The following ZNF629 variants were observed in gnomAD, a reference collection of about 807,000 sequenced individuals.
ZNF629 encodes the protein DNA-binding protein.
ZNF629 carries 9 observed loss-of-function variants against 59.7 expected under a neutral mutation model. The ratio of observed to expected loss-of-function variants is 0.15; its 90% CI spans 0.09 to 0.26. The LOEUF is 0.26. Ranked by LOEUF, ZNF629 falls within the 10% of genes least tolerant of loss-of-function variation. The pLI is 1.00. For synonymous variants in ZNF629, 509 were observed against 498.9 expected (o/e 1.02, Z -0.27); for missense variants, 853 against 1,165.4 (o/e 0.73, Z 3.90).
At position 30,786,960 on chromosome 16, in the gene ZNF629, A is replaced by G. The variant is rs1461872833; in HGVS notation, c.-34+68T>C. ...TCCCGGCCCCCGCCTCCCGGGCCCC[A>G]TTGTTCCCCGGCGGCCGTCCCGGGC... On this transcript the variant is annotated intron_variant, in intron 1 of 2. Coordinates refer to ENST00000262525, the MANE Select transcript of ZNF629 (RefSeq NM_001080417.3). This position sits in a 1 kb window ranked among gnomAD's most constrained non-coding sequence, Gnocchi z 4.8. 1.3e-5 allele frequency: 2 copies of G among 150,400 alleles called. No individual in the cohort carries two copies. The highest frequency in any genetic ancestry group is 3.0e-5 in the Non-Finnish European group (2 of 67,428). 9.3% of individuals were successfully genotyped at this position (150,400 alleles called of 1,614,324 possible).
Position 30,783,038 on chromosome 16 carries a change from G to A in ZNF629, c.1290C>T (p.Tyr430=), listed in dbSNP as rs2054298383. The A allele has an allele frequency of 1.2e-6, 2 of 1,614,160 alleles. No individual in the cohort carries two copies. The highest frequency in any genetic ancestry group is 1.7e-6 in the Non-Finnish European group (2 of 1,180,004). Residue 430 remains tyrosine (Y), a synonymous_variant, in exon 3 of 3, where the codon TAC becomes TAT. Transcript: ENST00000262525. ...AGCTCTTGCCGCAGTCGGCGCAGAT[G>A]TAGGGCCGCTCGCCGCGGTGGATGC... is the stretch of plus-strand genomic sequence containing the variant. The part of the protein sequence containing the change: ...HQRIHRGERP[Y]ICADCGKSFI...
rs1397416959 is a variant in ZNF629, at chr16:30,784,422, C to T, written c.61G>A (p.Asp21Asn). 1 of 1,567,850 alleles carries T rather than the reference C, an allele frequency of 6.4e-7. No homozygotes were observed. Among genetic ancestry groups the T allele is most frequent in the East Asian group, 2.4e-5 (1 of 42,414 alleles). The change falls in exon 2 of 3, where the codon GAT (aspartate) becomes AAT (asparagine). Residue 21 changes from aspartate (D) to asparagine (N), a missense_variant. Around this residue, in one of 3 missense-constraint regions of ZNF629, gnomAD observed 232 missense variants for 193.4 expected, o/e 1.20. Transcript: ENST00000262525. ...TTGTGCCCCTCACCTCTGTGAGCAT[C>T]GTTGGGGCTCTGTTCCGGACCCTGC... ...DLQGPEQSPN[D>N]AHRGAESENE...
rs757263461 is a variant in ZNF629, at chr16:30,783,731, C to T, written c.597G>A (p.Thr199=). 5.6e-6 allele frequency: 9 copies of T among 1,613,314 alleles called. No homozygotes were observed. The highest frequency in any genetic ancestry group is 4.0e-5 in the African/African-American group (3 of 74,792). The change falls in exon 3 of 3, where the codon ACG becomes ACA. Residue 199 remains threonine, a synonymous_variant. Coordinates refer to ENST00000262525, the MANE Select transcript of ZNF629 (RefSeq NM_001080417.3). The part of the protein sequence containing the change: ...QSSHLVQHQR[T]HTGEKPYKCP... ...ACTTGTAGGGCTTCTCGCCGGTGTG[C>T]GTGCGCTGGTGCTGCACCAGGTGCG... is the stretch of plus-strand genomic sequence containing the variant.
At position 30,782,540 on chromosome 16, in the gene ZNF629, G is replaced by A. The variant is rs1264875443; in HGVS notation, c.1788C>T (p.Pro596=). The A allele has an allele frequency of 6.4e-7, 1 of 1,560,798 alleles. No homozygotes were observed. The highest frequency in any genetic ancestry group is 8.7e-7 in the Non-Finnish European group (1 of 1,151,714). Residue 596 remains proline, a synonymous_variant, in exon 3 of 3, where the codon CCC becomes CCT. Transcript: ENST00000262525. ...QHQRIHIGEN[P]YKNADGLIAH... ...CGATGAGGCCGTCTGCATTTTTGTA[G>A]GGGTTTTCTCCGATGTGGATCCTCT...
chr16:30,783,681 C>T lies in ZNF629; in HGVS notation c.647G>A (p.Ser216Asn). The T allele has an allele frequency of 2.5e-6, 4 of 1,612,646 alleles. No individual in the cohort carries two copies. Among genetic ancestry groups the T allele is most frequent in the Non-Finnish European group, 3.4e-6 (4 of 1,179,492 alleles). Residue 216 changes from serine (S) to asparagine (N), a missense_variant, in exon 3 of 3, where the codon AGC becomes AAC. Transcript: ENST00000262525. ...YKCPDCGKCF[S>N]WSSNLVQHQR... ...GTGCTGCACCAGGTTGGAGCTCCAG[C>T]TGAAGCACTTGCCGCAGTCGGGGCA...
Position 30,786,840 on chromosome 16 carries a change from C to A in ZNF629, c.-34+188G>T, listed in dbSNP as rs2054337897. 6.6e-6 allele frequency among the ~76,000 whole-genome samples: 1 copy of A among 151,902 alleles called. No homozygotes were observed. The highest frequency in any genetic ancestry group is 2.1e-4 in the South Asian group (1 of 4,828). On this transcript the variant is annotated intron_variant, in intron 1 of 2. Coordinates refer to ENST00000262525, the MANE Select transcript of ZNF629 (RefSeq NM_001080417.3). This position sits in a 1 kb window ranked among gnomAD's most constrained non-coding sequence, Gnocchi z 4.8. ...CAGGCTCCCCTCCCCCGCCACCGAC[C>A]CCCGCGCTTCCCAGAATCCTCGGCC...
chr16:30,783,412 G>A lies in ZNF629; in HGVS notation c.916C>T (p.Leu306Phe). ...CCCGCGTGGATCTTCTGGTGCTTGA[G>A]GAGGTTGTGGTTCTGGCCGAAGCGC... ...GKRFGQNHNL[L>F]KHQKIHAGEK... The change falls in exon 3 of 3, where the codon CTC becomes TTC. Residue 306 changes from leucine (L) to phenylalanine (F), a missense_variant. Around this residue, in one of 3 missense-constraint regions of ZNF629, gnomAD observed 201 missense variants for 536.5 expected, o/e 0.37. Coordinates refer to ENST00000262525, the MANE Select transcript of ZNF629 (RefSeq NM_001080417.3). 3 of 1,611,920 alleles carry A rather than the reference G, an allele frequency of 1.9e-6. No individual in the cohort carries two copies. Among genetic ancestry groups the A allele is most frequent in the Non-Finnish European group, 2.5e-6 (3 of 1,179,400 alleles).
intron 2 of ZNF629, 58 bp from the exon 3 acceptor site, chr16:30,784,312 C>A: frequency 6.4e-7 from 1 of 1,554,838 alleles, no homozygotes; most frequent in Non-Finnish European, 8.7e-7. Flanking sequence ...GGGGTTTGGT[C>A]TCTCTTCCCT....
rs1266997274 is a variant in ZNF629, at chr16:30,782,367, C to T, written c.1961G>A (p.Arg654Gln). Reference protein sequence around the residue: ...PEGQEGFSQRRGLLSSKTYIC... With the variant: ...PEGQEGFSQRQGLLSSKTYIC... ...GTAGGTCTTGGAGGACAGCAGCCCCCGCCTCTGGCTGAAGCCCTCCTGACC... is the reference window on the plus strand; with the variant it reads ...GTAGGTCTTGGAGGACAGCAGCCCCTGCCTCTGGCTGAAGCCCTCCTGACC... Residue 654 changes from arginine to glutamine, a missense_variant, in exon 3 of 3, where the codon CGG (arginine) becomes CAG (glutamine). Physicochemically the swap from Arg to Gln is conservative, Grantham distance 43. Transcript: ENST00000262525. 3 of 1,582,386 alleles carry T rather than the reference C, an allele frequency of 1.9e-6. No homozygotes were observed. The highest frequency in any genetic ancestry group is 4.7e-5 in the East Asian group (2 of 43,006).
chr16:30,782,636 C>G lies in ZNF629; in HGVS notation c.1692G>C (p.Pro564=), dbSNP rs763344745. 7 of 1,573,594 alleles carry G rather than the reference C, an allele frequency of 4.4e-6. No individual in the cohort carries two copies. The highest frequency in any genetic ancestry group is 1.9e-5 in the Admixed American group (1 of 52,844). Residue 564 remains proline, a synonymous_variant, in exon 3 of 3, where the codon CCG becomes CCC. Transcript: ENST00000262525. ...LGDPSLLTPP[P]GAKPHKCLVC... is the part of the protein sequence containing the mutation. ...CGAGACACTTGTGCGGCTTGGCTCC[C>G]GGCGGCGGGGTCAGCAGGGAGGGGT...
rs752818941 is a variant in ZNF629 at position 30,782,789 on chromosome 16, C to T, written c.1539G>A (p.Leu513=). The T allele has an allele frequency of 1.8e-5, 29 of 1,613,986 alleles. No homozygotes were observed. Among genetic ancestry groups the T allele is most frequent in the Non-Finnish European group, 2.5e-6 (3 of 1,179,940 alleles). The change falls in exon 3 of 3, where the codon CTG becomes CTA. Residue 513 remains leucine, a synonymous_variant. Coordinates refer to ENST00000262525, the MANE Select transcript of ZNF629 (RefSeq NM_001080417.3). The part of the protein sequence containing the change: ...THVRTHMDEN[L]FVCSDCGKAF... Reference sequence around the variant, plus strand: ...CCTTCCCGCAGTCGGAGCACACGAACAGGTTCTCGTCCATGTGCGTGCGGA... The same window carrying T: ...CCTTCCCGCAGTCGGAGCACACGAATAGGTTCTCGTCCATGTGCGTGCGGA...
In ZNF629 at chr16:30,782,739, T is replaced by A; in HGVS notation, c.1589A>T (p.Glu530Val). Residue 530 changes from glutamate (E) to valine (V), a missense_variant, in exon 3 of 3, where the codon GAG becomes GTG. Coordinates refer to ENST00000262525, the MANE Select transcript of ZNF629 (RefSeq NM_001080417.3). ...CCTCTCATGGATCACCCGGTGCTGC[T>A]CCAGCTCGTGGGCTTCCAGGAAGGC... ...GKAFLEAHEL[E>V]QHRVIHERGK... is the part of the protein sequence containing the mutation. The A allele has an allele frequency of 6.2e-7, 1 of 1,613,292 alleles. No homozygotes were observed. Among genetic ancestry groups the A allele is most frequent in the Non-Finnish European group, 8.5e-7 (1 of 1,179,858 alleles).
rs1293157560 is a variant in ZNF629 at position 30,786,149 on chromosome 16, G to A, written c.-34+879C>T. 1.3e-5 allele frequency among the ~76,000 whole-genome samples: 2 copies of A among 152,120 alleles called. No homozygotes were observed. The highest frequency in any genetic ancestry group is 1.9e-4 in the East Asian group (1 of 5,200). Reference sequence around the variant, plus strand: ...GACTGGCTGCACCCTGCCAAAGAGCGGTAGGAGAGACAGAAGTTAGCGTTT... The same window carrying A: ...GACTGGCTGCACCCTGCCAAAGAGCAGTAGGAGAGACAGAAGTTAGCGTTT... On this transcript the variant is annotated intron_variant, in intron 1 of 2. Coordinates refer to ENST00000262525, the MANE Select transcript of ZNF629 (RefSeq NM_001080417.3). The surrounding 1 kb of genome is among the most constrained non-coding windows in gnomAD (Gnocchi z 4.8).
In ZNF629 at chr16:30,784,261, A is replaced by G. The variant is rs759620616; in HGVS notation, c.74-7T>C. On this transcript the variant is annotated splice_region_variant and splice_polypyrimidine_tract_variant and intron_variant, in intron 2 of 2. Transcript: ENST00000262525. Reference sequence around the variant, plus strand: ...TCGTTTTCACTCTCGGCACCTACAGAAAGAAAGGGAGTCTACAGCCCCCAG... The same window carrying G: ...TCGTTTTCACTCTCGGCACCTACAGGAAGAAAGGGAGTCTACAGCCCCCAG... 1 of 1,591,836 alleles carries G rather than the reference A, an allele frequency of 6.3e-7. No individual in the cohort carries two copies.
intron 1 of ZNF629, 86 bp from the exon 2 acceptor site, chr16:30,784,601 C>A: frequency 9.5e-7 from 1 of 1,057,290 alleles, no homozygotes; most frequent in Non-Finnish European, 1.3e-6. Context: ...CCCACCCTGC[C>A]CCGCCCCATT....
Position 30,786,673 on chromosome 16 carries a change from C to T in ZNF629, c.-34+355G>A, listed in dbSNP as rs1289831419. Among the ~76,000 whole-genome samples the T allele has an allele frequency of 6.6e-6, 1 of 151,628 alleles. No homozygotes were observed. The highest frequency in any genetic ancestry group is 1.5e-5 in the Non-Finnish European group (1 of 67,822). Reference sequence around the variant, plus strand: ...GCTCCCCCGGAGCCGCGACCCCCGTCCCGCTGCTGATACAGAGCCTGGGCA... The same window carrying T: ...GCTCCCCCGGAGCCGCGACCCCCGTTCCGCTGCTGATACAGAGCCTGGGCA... On this transcript the variant is annotated intron_variant, in intron 1 of 2. Transcript: ENST00000262525. This position sits in a 1 kb window ranked among gnomAD's most constrained non-coding sequence, Gnocchi z 4.8.
Position 30,786,130 on chromosome 16 carries a change from C to T in ZNF629, c.-34+898G>A, listed in dbSNP as rs963652964. Among the ~76,000 whole-genome samples, 1 of 152,110 alleles carries T rather than the reference C, an allele frequency of 6.6e-6. No individual in the cohort carries two copies. Among genetic ancestry groups the T allele is most frequent in the East Asian group, 1.9e-4 (1 of 5,194 alleles). Reference sequence around the variant, plus strand: ...GGTGACCAAGGTGAAGCAAGACTGGCTGCACCCTGCCAAAGAGCGGTAGGA... The same window carrying T: ...GGTGACCAAGGTGAAGCAAGACTGGTTGCACCCTGCCAAAGAGCGGTAGGA... On this transcript the variant is annotated intron_variant, in intron 1 of 2. Transcript: ENST00000262525. The surrounding 1 kb of genome is among the most constrained non-coding windows in gnomAD (Gnocchi z 4.8).
In ZNF629 at chr16:30,781,780, C is replaced by T. The variant is rs777040666; in HGVS notation, c.2548G>A (p.Gly850Ser). ...AGGAGGGCTGCGACTTCTGTGAAGC[C>T]GGCTCCACACTCGGGGCACAGATAG... ...KPYLCPECGA[G>S]FTEVAALLLH... Residue 850 changes from glycine to serine, a missense_variant, in exon 3 of 3, where the codon GGC becomes AGC. Gly to Ser is a moderately conservative substitution (Grantham distance 56). Around this residue, in one of 3 missense-constraint regions of ZNF629, gnomAD observed 420 missense variants for 435.6 expected, o/e 0.96. Coordinates refer to ENST00000262525, the MANE Select transcript of ZNF629 (RefSeq NM_001080417.3). The T allele has an allele frequency of 1.7e-5, 27 of 1,612,352 alleles. No homozygotes were observed. Among genetic ancestry groups the T allele is most frequent in the African/African-American group, 2.7e-5 (2 of 74,810 alleles).
intron 1 of ZNF629, among the ~76,000 whole-genome samples, chr16:30,784,877 T>C (rs1175858374): frequency 2.0e-5 from 3 of 152,180 alleles, no homozygotes; most frequent in African/African-American, 7.2e-5. Context: ...AAACCTGTTA[T>C]TTGCTAATCA....
Sources: gnomAD v4.1 joint callset for allele counts (sites outside exome capture counted in the v4.1 genomes callset) on GRCh38, gnomAD v4.1.1 for gene constraint, gnomAD v4.1.1 regional missense constraint, Gnocchi (gnomAD v3.1) non-coding constraint, MANE v1.5 for transcripts, NCBI Gene and HGNC (gene_info 2026-07-23, HGNC 2026-07-21) for gene names.